Variants in ZMYM2 observed in about 807,000 individuals in gnomAD.
ZMYM2 encodes the protein zinc finger MYM-type protein 2.
In ZMYM2, 56 loss-of-function variants were observed where a neutral mutation model predicts 162.8. That is an observed-to-expected ratio of 0.34 (90% CI 0.28 to 0.43). The LOEUF is 0.43. Ranked by LOEUF, ZMYM2 falls within the 20% of genes least tolerant of loss-of-function variation. The pLI is 1.00. For synonymous variants in ZMYM2, 510 were observed against 541.6 expected (o/e 0.94, Z 0.81); for missense variants, 1,275 against 1,621.8 (o/e 0.79, Z 3.67).
At chr13:19,973,880 G>T (rs1229309833) in intron 2 of ZMYM2, among the ~76,000 whole-genome samples, 1 of 151,906 alleles carries the variant, frequency 6.6e-6, no homozygotes, top group Non-Finnish European at 1.5e-5. Context: ...TAGCTCATCA[G>T]TTATCATTAG....
At chr13:20,053,966 CAACT>C (rs1392204979) in intron 14 of ZMYM2, among the ~76,000 whole-genome samples, 1 of 152,128 alleles carries the variant, frequency 6.6e-6, no homozygotes, top group Non-Finnish European at 1.5e-5. Flanking sequence ...ATTTATAAGG[CAACT>C]ATTAGCACGA....
intron 12 of ZMYM2, among the ~76,000 whole-genome samples, chr13:20,038,521 A>C (rs1953942467): frequency 1.3e-5 from 2 of 152,182 alleles, no homozygotes; most frequent in African/African-American, 4.8e-5. Context: ...CGTTGATTGA[A>C]TAGGGAATCC....
the ZMYM2 span, among the ~76,000 whole-genome samples, chr13:19,923,540 TAA>T: frequency 2.1e-5 from 3 of 144,926 alleles, no homozygotes; most frequent in Non-Finnish European, 4.6e-5. Context: ...TTTTTTTTTA[TAA>T]GAGACGGGGT....
the ZMYM2 span, among the ~76,000 whole-genome samples, chr13:19,933,159 C>T: frequency 2.9e-3 from 442 of 151,882 alleles, 1 homozygote; most frequent in African/African-American, 0.01. Flanking sequence ...ACTATGTTGC[C>T]CATGCTGGTC....
intron 3 of ZMYM2, among the ~76,000 whole-genome samples, chr13:19,999,854 G>A (rs1950267261): frequency 6.6e-6 from 1 of 152,208 alleles, no homozygotes; most frequent in South Asian, 2.1e-4. Context: ...CTGGAGTGCA[G>A]TGGTTTGAAC....
At chr13:19,911,559 G>A in the ZMYM2 span, among the ~76,000 whole-genome samples, 1 of 152,134 alleles carries the variant, frequency 6.6e-6, no homozygotes, top group African/African-American at 2.4e-5. Context: ...CAGCCTTTTG[G>A]GGTTTACTGG....
At chr13:19,890,631 G>A in the ZMYM2 span, among the ~76,000 whole-genome samples, 1 of 151,548 alleles carries the variant, frequency 6.6e-6, no homozygotes, top group Non-Finnish European at 1.5e-5. Context: ...GACACTTTGG[G>A]AGGCTGAGGC....
chr13:20,023,125 A>G (rs1206920060), intron 7 of ZMYM2, among the ~76,000 whole-genome samples: 2 of 152,246 alleles, frequency 1.3e-5, no homozygotes, highest in African/African-American at 4.8e-5. Flanking sequence ...CATAGGCCCT[A>G]TTAAACTAAT....
chr13:20,046,566 T>A (rs9509015), intron 12 of ZMYM2, among the ~76,000 whole-genome samples: 8,335 of 35,990 alleles, frequency 0.23, 432 homozygotes, highest in East Asian at 0.32. Context: ...AAAAAAAAAA[T>A]ATATATATAT....
intron 2 of ZMYM2, among the ~76,000 whole-genome samples, chr13:19,991,181 G>A (rs2139698260): frequency 6.6e-6 from 1 of 151,292 alleles, no homozygotes; most frequent in African/African-American, 2.4e-5. Flanking sequence ...TGGCACAATC[G>A]TAGCTCACTG....
chr13:19,907,378 G>A, the ZMYM2 span, among the ~76,000 whole-genome samples: 2 of 152,112 alleles, frequency 1.3e-5, no homozygotes, highest in Non-Finnish European at 2.9e-5. Flanking sequence ...CTGCTTTGAT[G>A]TGTGATGTTG....
intron 17 of ZMYM2, among the ~76,000 whole-genome samples, chr13:20,062,114 CA>C: frequency 6.6e-6 from 1 of 152,110 alleles, no homozygotes; most frequent in Non-Finnish European, 1.5e-5. Flanking sequence ...AGAGGACAAT[CA>C]AAATACTATA....
chr13:19,877,190 C>A, the ZMYM2 span, among the ~76,000 whole-genome samples: 12 of 134,890 alleles, frequency 8.9e-5, no homozygotes, highest in South Asian at 2.3e-4. Flanking sequence ...CCAGCCTGGG[C>A]GACAGAGCGA....
intron 6 of ZMYM2, among the ~76,000 whole-genome samples, 199 bp from the exon 7 acceptor site, chr13:20,019,348 A>G (rs1184383435): frequency 6.6e-6 from 1 of 152,116 alleles, no homozygotes; most frequent in African/African-American, 2.4e-5. Context: ...CATTTTTTCT[A>G]AGATAAAATT....
At chr13:19,901,883 C>T in the ZMYM2 span, among the ~76,000 whole-genome samples, 391 of 152,212 alleles carry the variant, frequency 2.6e-3, 2 homozygotes, top group South Asian at 4.2e-3. Flanking sequence ...ACCTCAAACT[C>T]CTAGCTCAAG....
chr13:20,046,032 A>G (rs958414236), intron 12 of ZMYM2, among the ~76,000 whole-genome samples: 12 of 151,520 alleles, frequency 7.9e-5, no homozygotes, highest in Non-Finnish European at 2.9e-5. Context: ...ACTTGAGGCA[A>G]GAAGTTCAAG....
chr13:19,978,390 C>G (rs1304673547), intron 2 of ZMYM2, among the ~76,000 whole-genome samples: 1 of 151,778 alleles, frequency 6.6e-6, no homozygotes, highest in Non-Finnish European at 1.5e-5. Flanking sequence ...ATTGTGTGCT[C>G]ATTAATATAA....
intron 2 of ZMYM2, among the ~76,000 whole-genome samples, chr13:19,979,492 A>G (rs1453257389): frequency 1.5e-5 from 2 of 135,302 alleles, no homozygotes; most frequent in Admixed American, 8.3e-5. Flanking sequence ...TTTCTCTTCC[A>G]TTATCTGTGT....
intron 1 of ZMYM2, among the ~76,000 whole-genome samples, 199 bp downstream of exon 1, chr13:19,959,040 G>A (rs1467225193): frequency 6.6e-6 from 1 of 151,816 alleles, no homozygotes; most frequent in East Asian, 1.9e-4. Context: ...GCCGCGTCGG[G>A]GCCTCGGGGG....
Sources: gnomAD v4.1 joint callset for allele counts (sites outside exome capture counted in the v4.1 genomes callset) on GRCh38, gnomAD v4.1.1 for gene constraint, MANE v1.5 for transcripts, NCBI Gene and HGNC (gene_info 2026-07-23, HGNC 2026-07-21) for gene names.